The following MYH7 variants were observed in gnomAD, a reference collection of about 807,000 sequenced individuals.
MYH7 encodes myosin-7.
MYH7 carries 129 observed loss-of-function variants against 225.4 expected under a neutral mutation model. The ratio of observed to expected loss-of-function variants is 0.57; its 90% CI spans 0.50 to 0.66. The LOEUF is 0.66. Among genes scored for constraint, MYH7 ranks in the 30% least tolerant of loss-of-function variants. The pLI, the probability that MYH7 is intolerant of heterozygous loss-of-function variation, is 0.00. For synonymous variants in MYH7, 971 were observed against 1,007.6 expected (o/e 0.96, Z 0.69); for missense variants, 1,649 against 2,517.0 (o/e 0.66, Z 7.38).
rs397516204 is a variant in MYH7 at position 23,417,648 on chromosome 14, G to T, written c.4208C>A (p.Ala1403Asp). The change falls in exon 31 of 40, where the codon GCC becomes GAC. Residue 1403 changes from alanine (A) to aspartate (D), a missense_variant. Physicochemically the swap from Ala to Asp is moderately radical, Grantham distance 126 (BLOSUM62 -2). Transcript: ENST00000355349. Reference sequence around the variant, plus strand: ...GCACTTGGCATTAACAGCCTCCACGGCCTCCTCAGCTTCCTGCAGCCGCTG... The same window carrying T: ...GCACTTGGCATTAACAGCCTCCACGTCCTCCTCAGCTTCCTGCAGCCGCTG... ...LAQRLQEAEE[A>D]VEAVNAKCSS... 1.9e-6 allele frequency: 3 copies of T among 1,613,046 alleles called. No homozygotes were observed. The highest frequency in any genetic ancestry group is 2.5e-6 in the Non-Finnish European group (3 of 1,180,036).
chr14:23,412,956 T>C, intron 39 of MYH7, 85 bp from the exon 40 acceptor site: 5 of 1,405,944 alleles, frequency 3.6e-6, no homozygotes, highest in Non-Finnish European at 1.0e-6. Context: ...GTGAGAGGGG[T>C]CTGATGGTGG....
intron 25 of MYH7, 94 bp downstream of exon 25, chr14:23,422,086 G>T (rs942352867): frequency 6.3e-7 from 1 of 1,578,170 alleles, no homozygotes; most frequent in Non-Finnish European, 8.7e-7. Flanking sequence ...TGGAGGCTGC[G>T]TGAGGTTGTT....
rs536964882 is a variant in MYH7 at position 23,418,416 on chromosome 14, G to C, written c.3973-10C>G. The C allele has an allele frequency of 6.2e-7, 1 of 1,600,254 alleles. No individual in the cohort carries two copies. Among genetic ancestry groups the C allele is most frequent in the African/African-American group, 1.3e-5 (1 of 74,704 alleles). On this transcript the variant is annotated splice_polypyrimidine_tract_variant and intron_variant, in intron 29 of 39. Transcript: ENST00000355349. ...CCAGGGCGTTCTTCGCCTGGGGAGGGGTGGGCACCAGGAGGTGGGTTCAGC... is the reference window on the plus strand; with the variant it reads ...CCAGGGCGTTCTTCGCCTGGGGAGGCGTGGGCACCAGGAGGTGGGTTCAGC...
In MYH7 at chr14:23,415,458, G is replaced by A. The variant is rs730880812; in HGVS notation, c.5206C>T (p.Gln1736Ter). The A allele has an allele frequency of 6.2e-7, 1 of 1,614,226 alleles. No homozygotes were observed. The highest frequency in any genetic ancestry group is 1.7e-5 in the Admixed American group (1 of 60,026). The change falls in exon 36 of 40, where the codon CAG becomes TAG. Residue 1736 changes from glutamine (Q) to a stop codon, truncating the protein, a stop_gained. Transcript: ENST00000355349. LOFTEE classifies it high-confidence loss of function. The surrounding 1 kb of genome is among the most constrained non-coding windows in gnomAD (Gnocchi z 6.3). ...GCCTCCTCCACTTCAGTCTGGAGCTGGGACAGGTCAGCATCCATCTTCTTC... is the reference window on the plus strand; with the variant it reads ...GCCTCCTCCACTTCAGTCTGGAGCTAGGACAGGTCAGCATCCATCTTCTTC... ...QKKKMDADLS[Q>*]LQTEVEEAVQ... is the part of the protein sequence containing the mutation.
chr14:23,414,069 G>A lies in MYH7; in HGVS notation c.5593C>T (p.Gln1865Ter). Reference protein sequence around the residue: ...EEDRKNLLRLQDLVDKLQLKV... With the variant: ...EEDRKNLLRL ...AGCTGCAGCTTGTCTACCAGGTCCT[G>A]CAGCCGCAGCAGGTTTTTCCTGTCC... The change falls in exon 38 of 40, where the codon CAG becomes TAG. Residue 1865 changes from glutamine (Q) to a stop codon, truncating the protein, a stop_gained. Coordinates refer to ENST00000355349, the MANE Select transcript of MYH7 (RefSeq NM_000257.4). LOFTEE classifies it high-confidence loss of function. The A allele has an allele frequency of 6.2e-7, 1 of 1,613,816 alleles. No homozygotes were observed. Among genetic ancestry groups the A allele is most frequent in the Non-Finnish European group, 8.5e-7 (1 of 1,180,036 alleles).
intron 33 of MYH7, 60 bp from the exon 34 acceptor site, chr14:23,416,372 G>T: frequency 6.5e-7 from 1 of 1,547,722 alleles, no homozygotes; most frequent in Admixed American, 1.8e-5. Context: ...GCAGGGTGGG[G>T]GCCTGCTCAC....
In MYH7 at chr14:23,415,331, C is replaced by G. The variant is rs1412642169; in HGVS notation, c.5283+50G>C. ...AAGTCCTCACACACTTGCTGCCCAG[C>G]CCACGGAGAGACACTGGTCTGGATC... On this transcript the variant is annotated intron_variant, in intron 36 of 39. Coordinates refer to ENST00000355349, the MANE Select transcript of MYH7 (RefSeq NM_000257.4). The surrounding 1 kb of genome is among the most constrained non-coding windows in gnomAD (Gnocchi z 6.3). The G allele has an allele frequency of 1.2e-6, 2 of 1,614,234 alleles. No individual in the cohort carries two copies. Among genetic ancestry groups the G allele is most frequent in the South Asian group, 2.2e-5 (2 of 91,084 alleles).
intron 39 of MYH7, among the ~76,000 whole-genome samples, 161 bp downstream of exon 39, chr14:23,413,598 A>G (rs1230793610): frequency 6.6e-6 from 1 of 151,604 alleles, no homozygotes; most frequent in Non-Finnish European, 1.5e-5. Context: ...TAGAGCTGGA[A>G]GAATCCTTGA....
chr14:23,431,929 A>G (rs985683404), intron 6 of MYH7, 60 bp from the exon 7 acceptor site: 31 of 1,555,532 alleles, frequency 2.0e-5, no homozygotes, highest in South Asian at 2.2e-5. Flanking sequence ...GCAAGCCTCA[A>G]ATCAGGAGAG....
intron 39 of MYH7, 77 bp from the exon 40 acceptor site, chr14:23,412,948 G>A: frequency 1.4e-6 from 2 of 1,470,618 alleles, no homozygotes; most frequent in Non-Finnish European, 1.9e-6. Context: ...GAACAAAGGT[G>A]AGAGGGGTCT....
At chr14:23,423,510 T>G (rs201721251) in intron 24 of MYH7, 37 bp downstream of exon 24, 2 of 1,592,208 alleles carry the variant, frequency 1.3e-6, no homozygotes, top group East Asian at 4.6e-5. Flanking sequence ...CAGATAGACA[T>G]GGCATATCTA....
At chr14:23,432,918 CT>C (rs1893007523) in intron 4 of MYH7, 123 bp from the exon 5 acceptor site, 1 of 1,492,820 alleles carries the variant, frequency 6.7e-7, no homozygotes, top group Admixed American at 1.9e-5. Flanking sequence ...TGCACTCAAT[CT>C]GAGTAATGCC....
rs772442923 is a variant in MYH7 at position 23,424,940 on chromosome 14, G to C, written c.2508C>G (p.Ile836Met). The C allele has an allele frequency of 1.9e-6, 3 of 1,614,074 alleles. No homozygotes were observed. Among genetic ancestry groups the C allele is most frequent in the East Asian group, 2.2e-5 (1 of 44,896 alleles). Reference protein sequence around the residue: ...NWPWMKLYFKIKPLLKSAERE... With the variant: ...NWPWMKLYFKMKPLLKSAERE... ...TTTCTGCACTCTTCAGCAGCGGCTT[G>C]ATCTTGAAGTAGAGCTTCATCCAGG... is the stretch of plus-strand genomic sequence containing the variant. The change falls in exon 22 of 40, where the codon ATC becomes ATG. Residue 836 changes from isoleucine (I) to methionine (M), a missense_variant. Physicochemically the swap from Ile to Met is conservative, Grantham distance 10. Around this residue, in one of 12 missense-constraint regions of MYH7, gnomAD observed 10 missense variants for 35.5 expected, o/e 0.28. Coordinates refer to ENST00000355349, the MANE Select transcript of MYH7 (RefSeq NM_000257.4).
At chr14:23,430,707 T>C in intron 10 of MYH7, 44 bp from the exon 11 acceptor site, 1 of 1,539,018 alleles carries the variant, frequency 6.5e-7, no homozygotes, top group Non-Finnish European at 9.0e-7. Flanking sequence ...AGCCCCCGGC[T>C]CTCATGGAGG....
At chr14:23,417,778 T>G in intron 30 of MYH7, 92 bp from the exon 31 acceptor site, 1 of 1,506,834 alleles carries the variant, frequency 6.6e-7, no homozygotes. Context: ...AGACAATCCT[T>G]GAAACCTCAG....
Position 23,425,102 on chromosome 14 carries a change from C to G in MYH7, c.2424-78G>C. The G allele has an allele frequency of 6.2e-7, 1 of 1,611,206 alleles. No homozygotes were observed. The highest frequency in any genetic ancestry group is 8.5e-7 in the Non-Finnish European group (1 of 1,178,432). On this transcript the variant is annotated intron_variant, in intron 21 of 39. Transcript: ENST00000355349. This position sits in a 1 kb window ranked among gnomAD's most constrained non-coding sequence, Gnocchi z 4.6. ...AGGTCCTGAAACCTTGGGAATATCC[C>G]ATTTCCTTCATCCCTCCCACCCTTC...
chr14:23,417,085 C>T, intron 32 of MYH7, 68 bp downstream of exon 32: 2 of 1,613,986 alleles, frequency 1.2e-6, no homozygotes, highest in Non-Finnish European at 8.5e-7. Context: ...TCTTGGAGCC[C>T]TTGGGTGGCA....
At chr14:23,420,850 A>G (rs763451521) in intron 26 of MYH7, 108 bp downstream of exon 26, 8 of 839,974 alleles carry the variant, frequency 9.5e-6, no homozygotes, top group Non-Finnish European at 1.6e-5. Context: ...CTCCATGGAC[A>G]CATAATCAGT....
At position 23,420,946 on chromosome 14, in the gene MYH7, T is replaced by C. The variant is rs1385814676; in HGVS notation, c.3336+12A>G. ...AGGGACTCAGCATCCCGCGTGGGTG[T>C]CCAGACCTCACCTGAAGCTCCTTGA... On this transcript the variant is annotated intron_variant, in intron 26 of 39. Transcript: ENST00000355349. 1.2e-6 allele frequency: 2 copies of C among 1,610,932 alleles called. No individual in the cohort carries two copies. The highest frequency in any genetic ancestry group is 1.1e-5 in the South Asian group (1 of 90,968).
Sources: gnomAD v4.1 joint callset for allele counts (sites outside exome capture counted in the v4.1 genomes callset) on GRCh38, gnomAD v4.1.1 for gene constraint, gnomAD v4.1.1 regional missense constraint, Gnocchi (gnomAD v3.1) non-coding constraint, MANE v1.5 for transcripts, NCBI Gene and HGNC (gene_info 2026-07-23, HGNC 2026-07-21) for gene names.